ENOSF1: variants seen among roughly 807,000 people sequenced by gnomAD.
The protein encoded by ENOSF1 is enolase superfamily member 1.
A neutral mutation model predicts 68.2 loss-of-function variants in ENOSF1; 73 were observed. The ratio of observed to expected loss-of-function variants is 1.07; its 90% confidence interval spans 0.89 to 1.30. The LOEUF (loss-of-function observed/expected upper bound fraction) is 1.30. Ranked by LOEUF, ENOSF1 falls within the 50% of genes most tolerant of loss-of-function variation. The pLI, the probability that ENOSF1 is intolerant of heterozygous loss-of-function variation, is 0.00. For missense variants in ENOSF1, 589 were observed against 554.5 expected, an observed-to-expected ratio of 1.06 and a Z score of -0.62; for synonymous variants, 223 against 210.4, an observed-to-expected ratio of 1.06 and a Z score of -0.52.
intron 1 of ENOSF1, among the ~76,000 whole-genome samples, chr18:711,329 G>A (rs1248262588): frequency 6.6e-6 from 1 of 152,166 alleles, no homozygotes; most frequent in Non-Finnish European, 1.5e-5. Flanking sequence ...AAAGAGTATA[G>A]ATAATGTAAT....
At chr18:683,508 G>A (rs1338817467) in intron 10 of ENOSF1, 128 bp from the exon 11 acceptor site, 2 of 1,074,394 alleles carry the variant, frequency 1.9e-6, no homozygotes, top group Admixed American at 2.4e-5. Flanking sequence ...TAACGCCTCT[G>A]CTGAGGCCCA....
intron 2 of ENOSF1, among the ~76,000 whole-genome samples, chr18:703,545 T>C (rs2078602478): frequency 6.6e-6 from 1 of 152,220 alleles, no homozygotes. Context: ...AGCTCTGTCT[T>C]AGTAAGTGGT....
chr18:711,356 T>C (rs1265628831), intron 1 of ENOSF1, among the ~76,000 whole-genome samples: 1 of 152,180 alleles, frequency 6.6e-6, no homozygotes, highest in Non-Finnish European at 1.5e-5. Flanking sequence ...CAGCTTGCCA[T>C]CCACCCAATT....
chr18:692,617 AAG>A, intron 5 of ENOSF1: 2 of 785,910 alleles, frequency 2.5e-6, no homozygotes, highest in Non-Finnish European at 3.0e-6. Flanking sequence ...AAAAGAAAGA[AAG>A]AAAAAAAGAA....
chr18:688,701 G>A (rs748293501), intron 8 of ENOSF1, 93 bp from the exon 9 acceptor site: 104 of 1,156,486 alleles, frequency 9.0e-5, no homozygotes, highest in Non-Finnish European at 1.3e-4. Flanking sequence ...CAAGCATTAC[G>A]GTTATAGCAT....
At chr18:710,210 G>A (rs1334609615) in intron 1 of ENOSF1, among the ~76,000 whole-genome samples, 1 of 151,966 alleles carries the variant, frequency 6.6e-6, no homozygotes, top group Non-Finnish European at 1.5e-5. Flanking sequence ...CTGGACTCAA[G>A]AGATCCTCCC....
chr18:685,597 T>C (rs1180855876), intron 10 of ENOSF1, among the ~76,000 whole-genome samples: 1 of 152,082 alleles, frequency 6.6e-6, no homozygotes, highest in Non-Finnish European at 1.5e-5. Flanking sequence ...CCTGACACCC[T>C]CCTACCTGAG....
chr18:701,955 A>AATAT (rs2078401080), intron 2 of ENOSF1, among the ~76,000 whole-genome samples: 1 of 151,140 alleles, frequency 6.6e-6, no homozygotes, highest in African/African-American at 2.4e-5. Context: ...TAAATAAATA[A>AATAT]ATAAATAAAA....
At chr18:667,714 A>G (rs1443122864), downstream of ENOSF1, 1 of 152,216 alleles carries the variant, frequency 6.6e-6, no homozygotes, top group Non-Finnish European at 1.5e-5. Context: ...CTTTATCACA[A>G]TGAAAAAAGC....
intron 11 of ENOSF1, among the ~76,000 whole-genome samples, chr18:680,055 G>C (rs940984070): frequency 2.0e-5 from 3 of 152,228 alleles, no homozygotes; most frequent in African/African-American, 7.2e-5. Context: ...GAAAGTGGTA[G>C]AGACTGGGTT....
intron 1 of ENOSF1, chr18:706,801 G>GTGTATATATATA (rs143228323): frequency 7.9e-5 from 12 of 151,200 alleles, no homozygotes; most frequent in African/African-American, 3.1e-4. Flanking sequence ...AGCAATGTAT[G>GTGTATATATATA]TATATATATA....
At chr18:683,876 T>C (rs1052486834) in intron 10 of ENOSF1, among the ~76,000 whole-genome samples, 1 of 152,092 alleles carries the variant, frequency 6.6e-6, no homozygotes, top group African/African-American at 2.4e-5. Flanking sequence ...GCACACCTAC[T>C]CCACTAGGCA....
At chr18:679,945 T>C (rs2075907575) in intron 11 of ENOSF1, among the ~76,000 whole-genome samples, 1 of 152,140 alleles carries the variant, frequency 6.6e-6, no homozygotes, top group Non-Finnish European at 1.5e-5. Context: ...AAATGATTCC[T>C]GGTCTCAATC....
intron 2 of ENOSF1, among the ~76,000 whole-genome samples, chr18:698,873 C>G (rs1202975657): frequency 1.3e-5 from 2 of 152,028 alleles, no homozygotes; most frequent in Non-Finnish European, 2.9e-5. Flanking sequence ...ACACCTGCCT[C>G]GGCCACCAAA....
rs2075009003 is a variant in ENOSF1 at position 670,836 on chromosome 18, C to T, written c.*3469G>A. On this transcript the variant is annotated 3_prime_UTR_variant, in exon 16 of 16. Coordinates refer to ENST00000647584, the MANE Select transcript of ENOSF1 (RefSeq NM_017512.7). Reference sequence around the variant, plus strand: ...AACATCGCCAGCTACGCCCTGCTCACGTACATGATTGCGCACATCACGGGC... The same window carrying T: ...AACATCGCCAGCTACGCCCTGCTCATGTACATGATTGCGCACATCACGGGC... The T allele has an allele frequency of 4.3e-6, 7 of 1,614,096 alleles. No homozygotes were observed. Among genetic ancestry groups the T allele is most frequent in the Non-Finnish European group, 5.1e-6 (6 of 1,180,012 alleles).
chr18:689,663 G>A (rs990846818), intron 8 of ENOSF1, among the ~76,000 whole-genome samples: 1 of 152,126 alleles, frequency 6.6e-6, no homozygotes. Flanking sequence ...GACATAAGAA[G>A]GAATATATAT....
chr18:690,809 A>C, intron 7 of ENOSF1, 178 bp from the exon 8 acceptor site: 55 of 1,467,146 alleles, frequency 3.7e-5, no homozygotes, highest in Non-Finnish European at 4.6e-5. Flanking sequence ...GGATACTCTC[A>C]CGGACTGCCC....
Position 697,202 on chromosome 18 carries a change from ATTACT to A in ENOSF1, c.309+33_309+37del, listed in dbSNP as rs778812520. 5.8e-6 allele frequency: 8 copies of A among 1,382,096 alleles called. No individual in the cohort carries two copies. The Admixed American group carries it at 1.3e-4, about 23-fold the overall frequency. The allele number at this position is 1,382,096 out of a possible 1,614,324, so 85.6% of individuals were successfully genotyped here. A position where few individuals can be genotyped will look rare whatever the true frequency, so the allele number is the denominator to read the frequency against. ...AAAGGACATCTCAGACCTTGGTAAT[ATTACT>A]TATGTAAGCATTTTACAAAATAGGT... On this transcript the variant is annotated intron_variant, in intron 3 of 15. Coordinates refer to ENST00000647584, the MANE Select transcript of ENOSF1 (RefSeq NM_017512.7).
chr18:679,489 G>A (rs2075866918), intron 11 of ENOSF1, among the ~76,000 whole-genome samples: 1 of 151,646 alleles, frequency 6.6e-6, no homozygotes, highest in South Asian at 2.1e-4. Context: ...GATTACAGGT[G>A]TGAGCCACTG....
Sources: allele counts gnomAD v4.1 joint callset (sites outside exome capture counted in the v4.1 genomes callset), GRCh38; gene constraint gnomAD v4.1.1; transcripts MANE v1.5; gene names NCBI Gene and HGNC (gene_info 2026-07-23, HGNC 2026-07-21).